The following CDK15 variants were observed in gnomAD, a reference collection of about 807,000 sequenced individuals.
The protein encoded by CDK15 is cyclin-dependent kinase 15.
CDK15 carries 62 observed loss-of-function variants against 60.3 expected under a neutral mutation model. That is an observed-to-expected ratio of 1.03 (90% confidence interval 0.84 to 1.27). The LOEUF is 1.27. Among genes scored for constraint, CDK15 ranks in the 50% most tolerant of loss-of-function variants. CDK15 has a pLI of 0.00. For missense variants in CDK15, 541 were observed against 527.8 expected, an observed-to-expected ratio of 1.03 and a Z score of -0.25; for synonymous variants, 194 against 195.7, an observed-to-expected ratio of 0.99 and a Z score of 0.07.
intron 11 of CDK15, chr2:201,876,522 A>G: frequency 8.1e-7 from 1 of 1,239,774 alleles, no homozygotes; most frequent in Non-Finnish European, 1.1e-6. Context: ...CTTGGCTCCT[A>G]GGAGGAAGAG....
intron 6 of CDK15, among the ~76,000 whole-genome samples, chr2:201,830,389 A>G (rs1012411536): frequency 6.6e-6 from 1 of 152,222 alleles, no homozygotes; most frequent in African/African-American, 2.4e-5. Context: ...TGCTGCAAAG[A>G]TAAGGAATAA....
rs777726730 is a variant in CDK15 at position 201,833,936 on chromosome 2, T to A, written c.695T>A (p.Ile232Asn). Reference sequence around the variant, plus strand: ...GACCTGAAACCTCAGAACTTACTCATCAGTCACCTGGGAGAGCTCAAACTG... The same window carrying A: ...GACCTGAAACCTCAGAACTTACTCAACAGTCACCTGGGAGAGCTCAAACTG... ...HRDLKPQNLLISHLGELKLAD... is the reference protein window; with the variant it reads ...HRDLKPQNLLNSHLGELKLAD... Residue 232 changes from isoleucine (I) to asparagine (N), a missense_variant, in exon 7 of 14, where the codon ATC (isoleucine) becomes AAC (asparagine). Physicochemically the swap from Ile to Asn is moderately radical, Grantham distance 149. Coordinates refer to ENST00000652192, the MANE Select transcript of CDK15 (RefSeq NM_001366386.2). The A allele has an allele frequency of 8.1e-6, 13 of 1,613,960 alleles. No individual in the cohort carries two copies. Among genetic ancestry groups the A allele is most frequent in the Non-Finnish European group, 1.0e-5 (12 of 1,179,940 alleles).
At chr2:201,862,967 T>C (rs1185411857) in intron 10 of CDK15, among the ~76,000 whole-genome samples, 1 of 152,072 alleles carries the variant, frequency 6.6e-6, no homozygotes, top group Non-Finnish European at 1.5e-5. Context: ...GTAATCTGAG[T>C]GGAGTTCCTA....
chr2:201,836,118 A>AT (rs1326442680), intron 8 of CDK15, among the ~76,000 whole-genome samples: 55 of 34,874 alleles, frequency 1.6e-3, no homozygotes, highest in South Asian at 0.013. Flanking sequence ...ATTTATATAT[A>AT]TTATATATTT....
chr2:201,818,029 T>C (rs984854081), intron 4 of CDK15, among the ~76,000 whole-genome samples: 10 of 152,248 alleles, frequency 6.6e-5, no homozygotes, highest in Non-Finnish European at 4.4e-5. Context: ...AACACTTTTT[T>C]ATTCAATGTC....
intron 11 of CDK15, among the ~76,000 whole-genome samples, chr2:201,873,191 G>A (rs966092611): frequency 2.0e-5 from 3 of 152,130 alleles, no homozygotes; most frequent in Non-Finnish European, 4.4e-5. Flanking sequence ...CCTCCACGTA[G>A]AATAAAATAT....
intron 8 of CDK15, among the ~76,000 whole-genome samples, chr2:201,843,484 C>G (rs1697495024): frequency 6.6e-6 from 1 of 152,092 alleles, no homozygotes; most frequent in South Asian, 2.1e-4. Flanking sequence ...ACAGATCTGT[C>G]ACCTTTCAAA....
intron 12 of CDK15, chr2:201,888,513 C>A: frequency 6.5e-7 from 1 of 1,531,206 alleles, no homozygotes; most frequent in Non-Finnish European, 8.7e-7. Flanking sequence ...AATGAGGAGT[C>A]ACCAGAGTGG....
At chr2:201,836,489 C>T (rs1697095163) in intron 8 of CDK15, among the ~76,000 whole-genome samples, 1 of 151,754 alleles carries the variant, frequency 6.6e-6, no homozygotes, top group African/African-American at 2.4e-5. Context: ...TGGGGTCTTG[C>T]TATATTGTCC....
In CDK15 at chr2:201,880,124, T is replaced by C. The variant is rs761402465; in HGVS notation, c.1155T>C (p.Asp385=). 4.3e-6 allele frequency: 7 copies of C among 1,613,960 alleles called. No individual in the cohort carries two copies. The East Asian group carries it at 1.6e-4, about 36-fold the overall frequency. The change falls in exon 12 of 14, where the codon GAT becomes GAC. Residue 385 remains aspartate, a synonymous_variant. Transcript: ENST00000652192. ...CCGCCCAGGAAGCACTTGTTCATGA[T>C]TATTTCAGCGCCCTGCCATCTCAGC... ...RVSAQEALVH[D]YFSALPSQLY...
intron 12 of CDK15, among the ~76,000 whole-genome samples, chr2:201,890,430 C>A (rs185403335): frequency 6.6e-6 from 1 of 152,198 alleles, no homozygotes; most frequent in African/African-American, 2.4e-5. Context: ...TGTTTGTGCT[C>A]CATAGACTTG....
At chr2:201,858,337 TTCCC>T (rs1217893883) in intron 10 of CDK15, among the ~76,000 whole-genome samples, 1 of 151,676 alleles carries the variant, frequency 6.6e-6, no homozygotes, top group Non-Finnish European at 1.5e-5. Context: ...TTGCTTTTCC[TTCCC>T]TCCCTCCCTC....
intron 4 of CDK15, among the ~76,000 whole-genome samples, chr2:201,821,415 G>A (rs945266722): frequency 6.6e-6 from 1 of 152,106 alleles, no homozygotes; most frequent in Non-Finnish European, 1.5e-5. Flanking sequence ...GAGAATGGCT[G>A]TCAGGAGGGC....
chr2:201,881,141 G>A (rs543306934), intron 12 of CDK15, among the ~76,000 whole-genome samples: 12 of 152,270 alleles, frequency 7.9e-5, no homozygotes, highest in African/African-American at 2.2e-4. Context: ...CTGCCCAAGA[G>A]GTGTGGAAAC....
At chr2:201,889,446 A>G (rs1699566495) in intron 12 of CDK15, 2 of 971,740 alleles carry the variant, frequency 2.1e-6, no homozygotes, top group Non-Finnish European at 2.4e-6. Context: ...TGTGTATCAT[A>G]AACTAACACA....
chr2:201,851,465 G>A (rs1697906610), intron 9 of CDK15, among the ~76,000 whole-genome samples: 1 of 152,080 alleles, frequency 6.6e-6, no homozygotes, highest in South Asian at 2.1e-4. Flanking sequence ...TCCTTACATG[G>A]TGGAAGGGTA....
Position 201,826,199 on chromosome 2 carries a change from G to A in CDK15, c.606+2472G>A, listed in dbSNP as rs139361597. On this transcript the variant is annotated intron_variant, in intron 6 of 13. Coordinates refer to ENST00000652192, the MANE Select transcript of CDK15 (RefSeq NM_001366386.2). ...AGATCGGCCGGGCGCAGTGGCTCACGCCTGTAATCCCAGCACTTTGGGAGG... is the reference window on the plus strand; with the variant it reads ...AGATCGGCCGGGCGCAGTGGCTCACACCTGTAATCCCAGCACTTTGGGAGG... Among the ~76,000 whole-genome samples, 156 of 152,224 alleles carry A rather than the reference G, an allele frequency of 1.0e-3. 5 individuals carry two copies. The East Asian group carries it at 0.022, about 21-fold the overall frequency.
chr2:201,808,129 C>T (rs898900052), intron 3 of CDK15, among the ~76,000 whole-genome samples, 177 bp downstream of exon 3: 1 of 152,186 alleles, frequency 6.6e-6, no homozygotes, highest in Non-Finnish European at 1.5e-5. Flanking sequence ...GAAAAACAAA[C>T]CTGCCCTGCC....
chr2:201,884,124 C>T (rs189350189), intron 12 of CDK15, among the ~76,000 whole-genome samples: 9 of 152,280 alleles, frequency 5.9e-5, no homozygotes, highest in East Asian at 5.8e-4. Context: ...GTAAATGACA[C>T]GTGATTTAAG....
Sources: gnomAD v4.1 joint callset for allele counts (sites outside exome capture counted in the v4.1 genomes callset) on GRCh38, gnomAD v4.1.1 for gene constraint, MANE v1.5 for transcripts, NCBI Gene and HGNC (gene_info 2026-07-23, HGNC 2026-07-21) for gene names.